BMPR1A: variants seen among roughly 807,000 people sequenced by gnomAD.
BMPR1A encodes bone morphogenetic protein receptor type-1A.
A neutral mutation model predicts 66.0 loss-of-function variants in BMPR1A; 7 were observed. The ratio of observed to expected loss-of-function variants is 0.11; its 90% CI spans 0.06 to 0.20. The LOEUF is 0.20. Among genes scored for constraint, BMPR1A ranks in the 10% least tolerant of loss-of-function variants. The pLI, the probability that BMPR1A is intolerant of heterozygous loss-of-function variation, is 1.00. For synonymous variants in BMPR1A, 200 were observed against 229.7 expected (o/e 0.87, Z 1.17); for missense variants, 408 against 669.1 (o/e 0.61, Z 4.31).
intron 5 of BMPR1A, 58 bp downstream of exon 5, chr10:86,892,287 G>T: frequency 1.4e-6 from 2 of 1,397,496 alleles, no homozygotes; most frequent in Non-Finnish European, 2.0e-6. Flanking sequence ...TGAAAGCATC[G>T]ATTTCCCCCA....
At chr10:86,760,734 A>G (rs1421332495) in intron 1 of BMPR1A, among the ~76,000 whole-genome samples, 3 of 152,186 alleles carry the variant, frequency 2.0e-5, no homozygotes, top group Non-Finnish European at 2.9e-5. Flanking sequence ...TGGGTTTCCT[A>G]TCACACTAAA....
chr10:86,798,735 A>G (rs949471364), intron 1 of BMPR1A, among the ~76,000 whole-genome samples: 1 of 152,194 alleles, frequency 6.6e-6, no homozygotes, highest in African/African-American at 2.4e-5. Flanking sequence ...TTTTACTTAA[A>G]CACCTTGGTG....
chr10:86,789,076 G>T (rs1361908991), intron 1 of BMPR1A, among the ~76,000 whole-genome samples: 1 of 152,184 alleles, frequency 6.6e-6, no homozygotes, highest in Non-Finnish European at 1.5e-5. Flanking sequence ...AGTGCTGGAA[G>T]AATTAGATAT....
At chr10:86,795,169 T>G (rs1443346885) in intron 1 of BMPR1A, among the ~76,000 whole-genome samples, 1 of 151,968 alleles carries the variant, frequency 6.6e-6, no homozygotes. Flanking sequence ...TAATTTTTAA[T>G]CTTTATTTTT....
In BMPR1A at chr10:86,924,989, A is replaced by G. The variant is rs913929800; in HGVS notation, c.*1270A>G. On this transcript the variant is annotated 3_prime_UTR_variant, in exon 13 of 13. Transcript: ENST00000372037. ...GAAAGGATTCTCTAATTAGAAATTT[A>G]TATGTCAGAGCTGTTATAAATTTAT... The G allele has an allele frequency of 1.2e-4, 28 of 232,188 alleles. No individual in the cohort carries two copies. Among genetic ancestry groups the G allele is most frequent in the African/African-American group, 5.3e-4 (24 of 45,338 alleles). The allele number at this position is 232,188 out of a possible 1,614,324, so 14.4% of individuals were successfully genotyped here.
chr10:86,765,483 CAAAAAA>C (rs34219531), intron 1 of BMPR1A, among the ~76,000 whole-genome samples: 22 of 70,652 alleles, frequency 3.1e-4, no homozygotes, highest in African/African-American at 1.1e-3. Context: ...GACTCTGTCT[CAAAAAA>C]AAAAAAAAAA....
chr10:86,823,369 C>T (rs1224475064), intron 1 of BMPR1A, among the ~76,000 whole-genome samples: 1 of 152,180 alleles, frequency 6.6e-6, no homozygotes, highest in African/African-American at 2.4e-5. Flanking sequence ...TCCTTTGATC[C>T]TCATTTTACA....
In BMPR1A at chr10:86,790,231, A is replaced by ATG. The variant is rs1564685690; in HGVS notation, c.-268+33313_-268+33314insGT. ...TATATATATATATATATATATATAT[A>ATG]TATATCAAAACCACAATGAGATTCT... On this transcript the variant is annotated intron_variant, in intron 1 of 12. Transcript: ENST00000372037. Among the ~76,000 whole-genome samples the ATG allele has an allele frequency of 1.2e-4, 7 of 60,312 alleles. 1 individual carries two copies. Among genetic ancestry groups the ATG allele is most frequent in the East Asian group, 2.1e-3 (2 of 968 alleles). 39.6% of individuals were successfully genotyped at this position (60,312 alleles called of 152,430 possible).
intron 1 of BMPR1A, among the ~76,000 whole-genome samples, chr10:86,783,597 TA>T (rs1564682876): frequency 6.6e-6 from 1 of 152,262 alleles, no homozygotes; most frequent in Non-Finnish European, 1.5e-5. Flanking sequence ...AGTTTTACTT[TA>T]TTTTTTTAGA....
intron 2 of BMPR1A, among the ~76,000 whole-genome samples, chr10:86,850,707 C>A (rs907100276): frequency 3.3e-5 from 5 of 152,128 alleles, no homozygotes; most frequent in South Asian, 2.1e-4. Context: ...TCATGACTCA[C>A]CACAGCCTTG....
chr10:86,889,035 A>G (rs951738684), intron 3 of BMPR1A, among the ~76,000 whole-genome samples: 7 of 152,288 alleles, frequency 4.6e-5, no homozygotes, highest in Non-Finnish European at 1.5e-5. Context: ...TGAAATACAT[A>G]TACACTTGTC....
chr10:86,851,132 C>T (rs1842561928), intron 2 of BMPR1A, among the ~76,000 whole-genome samples: 1 of 152,134 alleles, frequency 6.6e-6, no homozygotes, highest in Non-Finnish European at 1.5e-5. Flanking sequence ...CTAGAAATCA[C>T]AAAAGGATGG....
At chr10:86,846,680 G>A (rs1842488479) in intron 2 of BMPR1A, among the ~76,000 whole-genome samples, 2 of 151,994 alleles carry the variant, frequency 1.3e-5, no homozygotes, top group Admixed American at 1.3e-4. Context: ...CAGCCTGGGC[G>A]ACGAAGCAAG....
chr10:86,791,200 C>T (rs558134478), intron 1 of BMPR1A, among the ~76,000 whole-genome samples: 4 of 149,896 alleles, frequency 2.7e-5, no homozygotes, highest in African/African-American at 7.3e-5. Flanking sequence ...TATGAGCAAG[C>T]CTTCTCAGTG....
At chr10:86,799,547 C>A (rs1468354344) in intron 1 of BMPR1A, among the ~76,000 whole-genome samples, 2 of 122,436 alleles carry the variant, frequency 1.6e-5, no homozygotes, top group Non-Finnish European at 3.5e-5. Context: ...TTCTTTCTTT[C>A]TTTTTTTGTT....
intron 1 of BMPR1A, among the ~76,000 whole-genome samples, chr10:86,815,639 C>T (rs1353164657): frequency 6.6e-6 from 1 of 152,144 alleles, no homozygotes; most frequent in Non-Finnish European, 1.5e-5. Flanking sequence ...GATGAGAGTT[C>T]AGGCCAAACA....
Position 86,825,101 on chromosome 10 carries a change from T to TTTTG in BMPR1A, c.-267-13748_-267-13745dup, listed in dbSNP as rs532017918. 3.5e-3 allele frequency among the ~76,000 whole-genome samples: 534 copies of TTTTG among 151,908 alleles called. 2 individuals are homozygous for TTTTG. The highest frequency in any genetic ancestry group is 5.4e-3 in the Non-Finnish European group (369 of 67,946). ...CATTCTTTTTTTTTTTTTCCTTGCTTTTTGTTTGTTTGTTTGTTTTAAGAC... is the reference window on the plus strand; with the variant it reads ...CATTCTTTTTTTTTTTTTCCTTGCTTTTTGTTTGTTTGTTTGTTTGTTTTAAGAC... On this transcript the variant is annotated intron_variant, in intron 1 of 12. Coordinates refer to ENST00000372037, the MANE Select transcript of BMPR1A (RefSeq NM_004329.3).
intron 1 of BMPR1A, among the ~76,000 whole-genome samples, chr10:86,792,420 A>G (rs1404129072): frequency 2.0e-5 from 3 of 152,222 alleles, no homozygotes; most frequent in Non-Finnish European, 4.4e-5. Flanking sequence ...GCTAAAAATT[A>G]TAATGGTAAT....
intron 5 of BMPR1A, among the ~76,000 whole-genome samples, chr10:86,897,230 G>A (rs1226010942): frequency 1.3e-5 from 2 of 152,142 alleles, no homozygotes; most frequent in Admixed American, 6.5e-5. Flanking sequence ...AAGTAAATTT[G>A]TTTCCCACAA....
Sources: gnomAD v4.1 joint callset for allele counts (sites outside exome capture counted in the v4.1 genomes callset) on GRCh38, gnomAD v4.1.1 for gene constraint, MANE v1.5 for transcripts, NCBI Gene and HGNC (gene_info 2026-07-23, HGNC 2026-07-21) for gene names.